Variants in THRAP3 observed in about 807,000 individuals in gnomAD.
THRAP3 encodes thyroid hormone receptor associated protein 3.
In THRAP3, 16 loss-of-function variants were observed where a neutral mutation model predicts 101.0. That is an observed-to-expected ratio of 0.16 (90% CI 0.11 to 0.24). The LOEUF (loss-of-function observed/expected upper bound fraction) is 0.24. THRAP3 is among the 10% of genes least tolerant of loss of function. THRAP3 has a pLI of 1.00. For missense variants in THRAP3, 989 were observed against 1,202.7 expected, an observed-to-expected ratio of 0.82 and a Z score of 2.63; for synonymous variants, 407 against 422.6, an observed-to-expected ratio of 0.96 and a Z score of 0.45.
intron 2 of THRAP3, among the ~76,000 whole-genome samples, chr1:36,262,064 C>T (rs1191460506): frequency 6.6e-6 from 1 of 152,130 alleles, no homozygotes; most frequent in African/African-American, 2.4e-5. Context: ...TCATTTAATA[C>T]ATTTTAGTAG....
intron 1 of THRAP3, among the ~76,000 whole-genome samples, chr1:36,228,320 C>G (rs1408883388): frequency 6.6e-6 from 1 of 152,086 alleles, no homozygotes; most frequent in Non-Finnish European, 1.5e-5. Flanking sequence ...AGGGTTCAAG[C>G]GATTCTCCAG....
chr1:36,234,417 A>G (rs531412570), intron 1 of THRAP3, among the ~76,000 whole-genome samples: 3 of 152,208 alleles, frequency 2.0e-5, no homozygotes, highest in Non-Finnish European at 4.4e-5. Flanking sequence ...CATTACAGAA[A>G]TAGGAAATGT....
intron 2 of THRAP3, among the ~76,000 whole-genome samples, chr1:36,273,815 C>G (rs1247742703): frequency 1.3e-5 from 2 of 151,986 alleles, no homozygotes; most frequent in African/African-American, 4.8e-5. Context: ...GCCGAGGTGG[C>G]AGATCATTTG....
intron 2 of THRAP3, among the ~76,000 whole-genome samples, chr1:36,278,611 A>G (rs1052121825): frequency 1.3e-5 from 2 of 152,190 alleles, no homozygotes; most frequent in African/African-American, 4.8e-5. Context: ...TCTGAAATCA[A>G]TTCAAAAGGC....
At chr1:36,212,402 T>G in the THRAP3 span, among the ~76,000 whole-genome samples, 1 of 150,678 alleles carries the variant, frequency 6.6e-6, no homozygotes, top group South Asian at 2.1e-4. Flanking sequence ...CTTTTCTTTT[T>G]TTCTTTTCTT....
intron 10 of THRAP3, 96 bp from the exon 11 acceptor site, chr1:36,301,457 T>A (rs1646029526): frequency 1.4e-6 from 2 of 1,472,826 alleles, no homozygotes; most frequent in Non-Finnish European, 1.8e-6. Context: ...CAGCTGTCTA[T>A]TCCACACCAG....
chr1:36,275,693 A>G (rs1270181108), intron 2 of THRAP3, among the ~76,000 whole-genome samples: 8 of 151,626 alleles, frequency 5.3e-5, no homozygotes, highest in Non-Finnish European at 7.4e-5. Context: ...AGTCTTTTCA[A>G]CAAATGGTGC....
At chr1:36,291,857 T>TA (rs1273953614) in intron 6 of THRAP3, among the ~76,000 whole-genome samples, 1 of 152,032 alleles carries the variant, frequency 6.6e-6, no homozygotes, top group Non-Finnish European at 1.5e-5. Context: ...TTCTCCCCTC[T>TA]AAGTGATCTC....
chr1:36,219,155 T>C, the THRAP3 span, among the ~76,000 whole-genome samples: 147 of 151,778 alleles, frequency 9.7e-4, 2 homozygotes, highest in East Asian at 0.027. Flanking sequence ...ATCAGATCAG[T>C]CACAGCATTC....
intron 4 of THRAP3, 24 bp from the exon 5 acceptor site, chr1:36,289,036 T>G (rs781245965): frequency 6.5e-7 from 1 of 1,537,252 alleles, no homozygotes; most frequent in Non-Finnish European, 8.7e-7. Flanking sequence ...CTCTTGTGTC[T>G]CTCTCTTGTG....
intron 1 of THRAP3, among the ~76,000 whole-genome samples, chr1:36,246,032 C>T (rs1314932150): frequency 1.3e-5 from 2 of 152,054 alleles, no homozygotes; most frequent in African/African-American, 4.8e-5. Context: ...TTATAATCTG[C>T]ATTTTACAGA....
upstream of THRAP3, among the ~76,000 whole-genome samples, chr1:36,223,264 AC>A (rs1214638720): frequency 6.6e-6 from 1 of 152,220 alleles, no homozygotes; most frequent in African/African-American, 2.4e-5. Flanking sequence ...TGCCGAAGCC[AC>A]TAAGGGCAAG....
chr1:36,248,123 G>C (rs751597234), intron 1 of THRAP3, among the ~76,000 whole-genome samples: 1 of 151,848 alleles, frequency 6.6e-6, no homozygotes, highest in Non-Finnish European at 1.5e-5. Context: ...CAGGTGATCC[G>C]CCCACTTTGG....
In THRAP3 at chr1:36,296,521, G is replaced by A. The variant is rs1477945434; in HGVS notation, c.2116-62G>A. On this transcript the variant is annotated intron_variant, in intron 8 of 11. Transcript: ENST00000354618. ...CATTGGAGTAAAAACCACAGTTTGTGGGATGGTTGAGTTGACAGCTCTGAA... is the reference window on the plus strand; with the variant it reads ...CATTGGAGTAAAAACCACAGTTTGTAGGATGGTTGAGTTGACAGCTCTGAA... 4 of 1,393,522 alleles carry A rather than the reference G, an allele frequency of 2.9e-6. No individual in the cohort carries two copies. In the African/African-American group the frequency reaches 4.4e-5, roughly 15 times the overall value. 86.3% of individuals were successfully genotyped at this position (1,393,522 alleles called of 1,614,324 possible). A position where few individuals can be genotyped will look rare whatever the true frequency, so the allele number is the denominator to read the frequency against.
the THRAP3 span, among the ~76,000 whole-genome samples, chr1:36,212,418 C>CTTTT: frequency 8.4e-3 from 1,017 of 121,790 alleles, 17 homozygotes; most frequent in African/African-American, 0.016. Flanking sequence ...TTCTTTCTTT[C>CTTTT]TTTTTTTTTT....
At position 36,296,440 on chromosome 1, in the gene THRAP3, C is replaced by T. The variant is rs558041187; in HGVS notation, c.2116-143C>T. ...TAACTTCTGTGGGACATCCTGCATC[C>T]CTTCCAAGCTTGGGTGAGATGCCTC... On this transcript the variant is annotated intron_variant, in intron 8 of 11. Transcript: ENST00000354618. 4.8e-6 allele frequency: 3 copies of T among 619,738 alleles called. No homozygotes were observed. In the East Asian group the frequency reaches 8.8e-5, roughly 18 times the overall value. The allele number at this position is 619,738 out of a possible 1,614,324, so 38.4% of individuals were successfully genotyped here. A position where few individuals can be genotyped will look rare whatever the true frequency, so the allele number is the denominator to read the frequency against.
intron 2 of THRAP3, among the ~76,000 whole-genome samples, chr1:36,262,273 C>T (rs563818669): frequency 8.3e-4 from 126 of 152,316 alleles, no homozygotes; most frequent in African/African-American, 2.5e-3. Context: ...CCACATTTCA[C>T]GTGCTGAGTC....
At chr1:36,288,679 G>A in intron 4 of THRAP3, 1 of 985,448 alleles carries the variant, frequency 1.0e-6, no homozygotes, top group Non-Finnish European at 1.2e-6. Flanking sequence ...TAACTTTGCT[G>A]AAAGCAGATT....
In THRAP3 at chr1:36,287,033, G is replaced by T. The variant is rs757523185; in HGVS notation, c.803G>T (p.Ser268Ile). The T allele has an allele frequency of 2.8e-5, 45 of 1,613,740 alleles. No homozygotes were observed. The highest frequency in any genetic ancestry group is 3.8e-5 in the Non-Finnish European group (45 of 1,179,830). ...GTGAGGCGGCGGTCACCCCGTCCTA[G>T]CCCCGTGCCAAAACCTAGTCCTCCA... ...VVVRRRSPRP[S>I]PVPKPSPPLS... The change falls in exon 4 of 12, where the codon AGC (serine) becomes ATC (isoleucine). Residue 268 changes from serine (S) to isoleucine (I), a missense_variant. Coordinates refer to ENST00000354618, the MANE Select transcript of THRAP3 (RefSeq NM_005119.4).
Sources: allele counts gnomAD v4.1 joint callset (sites outside exome capture counted in the v4.1 genomes callset), GRCh38; gene constraint gnomAD v4.1.1; transcripts MANE v1.5; gene names NCBI Gene and HGNC (gene_info 2026-07-23, HGNC 2026-07-21).